Variants in ADARB2 observed in about 807,000 individuals in gnomAD.
The protein encoded by ADARB2 is inactive double-stranded RNA-specific editase B2.
Under a neutral mutation model 62.2 loss-of-function variants are expected in ADARB2, and 25 were observed. That is an observed-to-expected ratio of 0.40 (90% confidence interval 0.29 to 0.56). ADARB2 has a LOEUF of 0.56. ADARB2 is among the 20% of genes least tolerant of loss of function. The probability of loss-of-function intolerance (pLI) is 0.43; values close to 1 mark genes in which losing one functional copy is unlikely to be tolerated. For missense variants in ADARB2, 1,071 were observed against 1,077.4 expected (o/e 0.99, Z 0.08); for synonymous variants, 572 against 500.8 (o/e 1.14, Z -1.90).
chr10:1,262,253 T>C (rs1831146320), intron 4 of ADARB2, among the ~76,000 whole-genome samples: 1 of 145,020 alleles, frequency 6.9e-6, no homozygotes, highest in African/African-American at 2.7e-5. Context: ...GTAACTAACC[T>C]GCACAATGTG....
At chr10:1,675,146 TCAGGGATG>T (rs1834449306) in intron 1 of ADARB2, 1 of 983,148 alleles carries the variant, frequency 1.0e-6, no homozygotes, top group South Asian at 4.7e-5. Context: ...AGGTTTAGGT[TCAGGGATG>T]CATGGAAGTT....
intron 3 of ADARB2, among the ~76,000 whole-genome samples, chr10:1,356,075 T>C (rs1832192413): frequency 6.6e-6 from 1 of 152,182 alleles, no homozygotes; most frequent in Non-Finnish European, 1.5e-5. Flanking sequence ...TTTTTCCATG[T>C]GTAATGACAA....
intron 1 of ADARB2, among the ~76,000 whole-genome samples, chr10:1,462,521 C>CTGTATGTGCCTGTG (rs1831188465): frequency 6.6e-6 from 1 of 151,624 alleles, no homozygotes; most frequent in African/African-American, 2.4e-5. Context: ...TGTAGTGTGC[C>CTGTATGTGCCTGTG]TGTATGTGCC....
intron 1 of ADARB2, among the ~76,000 whole-genome samples, chr10:1,573,663 T>C (rs1211917396): frequency 6.6e-6 from 1 of 152,140 alleles, no homozygotes. Flanking sequence ...CTCAGTGTCC[T>C]TGGGAGGTTG....
At chr10:1,340,846 C>T (rs1334021117) in intron 3 of ADARB2, among the ~76,000 whole-genome samples, 1 of 147,374 alleles carries the variant, frequency 6.8e-6, no homozygotes, top group African/African-American at 2.6e-5. Context: ...ACCACACACC[C>T]CACAGTGGCA....
intron 3 of ADARB2, among the ~76,000 whole-genome samples, chr10:1,297,559 A>G (rs1268839565): frequency 6.6e-6 from 1 of 152,074 alleles, no homozygotes. Flanking sequence ...GAGACCCCCG[A>G]GGGTGGCTGC....
At chr10:1,195,309 A>G (rs1008852363) in intron 8 of ADARB2, among the ~76,000 whole-genome samples, 1 of 151,602 alleles carries the variant, frequency 6.6e-6, no homozygotes, top group Non-Finnish European at 1.5e-5. Flanking sequence ...TTTGTGGTGC[A>G]GTCCCATGGG....
intron 1 of ADARB2, among the ~76,000 whole-genome samples, chr10:1,445,716 G>A (rs76385802): frequency 0.12 from 18,337 of 152,264 alleles, 1,283 homozygotes; most frequent in East Asian, 0.23. Context: ...TTTCAGTGGT[G>A]CAAATAAGAA....
At chr10:1,266,170 G>T (rs1467844416) in intron 4 of ADARB2, among the ~76,000 whole-genome samples, 2 of 152,242 alleles carry the variant, frequency 1.3e-5, no homozygotes, top group Non-Finnish European at 2.9e-5. Flanking sequence ...TGAGAAGATG[G>T]CGTGTGGGTC....
intron 1 of ADARB2, among the ~76,000 whole-genome samples, chr10:1,407,785 C>T (rs1222540214): frequency 3.3e-5 from 5 of 152,180 alleles, no homozygotes; most frequent in Admixed American, 1.3e-4. Flanking sequence ...CGAGCATGTC[C>T]TGGGGGTTGC....
intron 8 of ADARB2, among the ~76,000 whole-genome samples, chr10:1,196,615 T>C (rs982752683): frequency 6.6e-6 from 1 of 152,228 alleles, no homozygotes; most frequent in Non-Finnish European, 1.5e-5. Context: ...AAACAAAGTT[T>C]TTCAATAATT....
chr10:1,584,196 A>G (rs1259888752), intron 1 of ADARB2, among the ~76,000 whole-genome samples: 1 of 152,238 alleles, frequency 6.6e-6, no homozygotes, highest in Non-Finnish European at 1.5e-5. Context: ...ATGAGAATGC[A>G]TACCATAGAT....
At chr10:1,679,242 C>G (rs1380993828) in intron 1 of ADARB2, among the ~76,000 whole-genome samples, 1 of 152,116 alleles carries the variant, frequency 6.6e-6, no homozygotes, top group Non-Finnish European at 1.5e-5. Context: ...TGGGGACTAT[C>G]CTGGCCTCAT....
chr10:1,459,362 A>T (rs561149447), intron 1 of ADARB2, among the ~76,000 whole-genome samples: 63 of 152,240 alleles, frequency 4.1e-4, no homozygotes, highest in Admixed American at 1.7e-3. Context: ...AACTGAGATC[A>T]TGTCCTTTGC....
At chr10:1,513,035 A>T (rs1017516115) in intron 1 of ADARB2, among the ~76,000 whole-genome samples, 1 of 152,232 alleles carries the variant, frequency 6.6e-6, no homozygotes, top group Non-Finnish European at 1.5e-5. Context: ...GACATTGCAT[A>T]CTGAAAATCT....
intron 1 of ADARB2, among the ~76,000 whole-genome samples, chr10:1,647,239 CAT>C (rs1354055583): frequency 6.6e-6 from 1 of 152,192 alleles, no homozygotes; most frequent in African/African-American, 2.4e-5. Context: ...TTTGTAGAAA[CAT>C]AGACAATTGC....
intron 1 of ADARB2, among the ~76,000 whole-genome samples, chr10:1,483,318 C>T (rs1043499214): frequency 2.0e-5 from 3 of 152,186 alleles, no homozygotes; most frequent in African/African-American, 7.2e-5. Context: ...TTTCTGAACA[C>T]GTGAGCTCCA....
intron 1 of ADARB2, among the ~76,000 whole-genome samples, chr10:1,601,114 G>A (rs1241842750): frequency 2.6e-5 from 4 of 152,174 alleles, no homozygotes; most frequent in Non-Finnish European, 4.4e-5. Flanking sequence ...GCCACAGACC[G>A]GCTGCTCAGA....
At chr10:1,459,839 G>T (rs914332080) in intron 1 of ADARB2, among the ~76,000 whole-genome samples, 2 of 152,232 alleles carry the variant, frequency 1.3e-5, no homozygotes, top group Admixed American at 1.3e-4. Context: ...GGTGGAGGCG[G>T]GAGGAGGGAG....
Sources: allele counts gnomAD v4.1 joint callset (sites outside exome capture counted in the v4.1 genomes callset), GRCh38; gene constraint gnomAD v4.1.1; transcripts MANE v1.5; gene names NCBI Gene and HGNC (gene_info 2026-07-23, HGNC 2026-07-21).